The following SHANK2 variants were observed in gnomAD, a reference collection of about 807,000 sequenced individuals.
The protein encoded by SHANK2 is SH3 and multiple ankyrin repeat domains 2, also known as SH3 and multiple ankyrin repeat domains protein 2.
In SHANK2, 43 loss-of-function variants were observed where a neutral mutation model predicts 133.7. The ratio of observed to expected loss-of-function variants is 0.32; its 90% confidence interval spans 0.25 to 0.41. The LOEUF (loss-of-function observed/expected upper bound fraction) is 0.41, where lower values mean the gene tolerates loss of function less well. Among genes scored for constraint, SHANK2 ranks in the 10% least tolerant of loss-of-function variants. SHANK2 has a pLI of 1.00. For missense variants in SHANK2, 1,994 were observed against 2,235.8 expected (o/e 0.89, Z 2.18); for synonymous variants, 1,017 against 952.8 (o/e 1.07, Z -1.24).
intron 2 of SHANK2, among the ~76,000 whole-genome samples, chr11:71,156,748 A>G (rs535509116): frequency 1.1e-4 from 16 of 152,340 alleles, no homozygotes; most frequent in Non-Finnish European, 2.4e-4. Flanking sequence ...AGGGCTTTAT[A>G]TGGCAGTGTC....
chr11:70,617,037 ATGAG>A (rs1269098873), intron 17 of SHANK2, among the ~76,000 whole-genome samples: 1 of 151,538 alleles, frequency 6.6e-6, no homozygotes, highest in African/African-American at 2.4e-5. Flanking sequence ...GTGTGTGTCT[ATGAG>A]TGTGTGTGTA....
Position 70,486,733 on chromosome 11 carries a change from G to T in SHANK2, c.3560C>A (p.Ala1187Glu), listed in dbSNP as rs1259438131. Reference protein sequence around the residue: ...SKAQGPESSPAVPSASSGTAG... With the variant: ...SKAQGPESSPEVPSASSGTAG... ...TGTGCCGCTGCTCGCGGAGGGCACT[G>T]CTGGGCTGCTCTCGGGCCCCTGGGC... The change falls in exon 25 of 26, where the codon GCA becomes GAA. Residue 1187 changes from alanine (A) to glutamate (E), a missense_variant. By Grantham distance (107) the Ala-to-Glu change is moderately radical. Coordinates refer to ENST00000601538, the MANE Select transcript of SHANK2 (RefSeq NM_012309.5). This position sits in a 1 kb window ranked among gnomAD's most constrained non-coding sequence, Gnocchi z 8.0. 6.2e-7 allele frequency: 1 copy of T among 1,610,432 alleles called. No homozygotes were observed.
chr11:70,556,748 C>T (rs1371676872), intron 17 of SHANK2, among the ~76,000 whole-genome samples: 3 of 152,156 alleles, frequency 2.0e-5, no homozygotes, highest in African/African-American at 2.4e-5. Flanking sequence ...TGTGCTACCA[C>T]GTCCAGCTAA....
intron 17 of SHANK2, chr11:70,654,041 G>C (rs1024796468): frequency 1.3e-5 from 2 of 152,226 alleles, no homozygotes; most frequent in African/African-American, 4.8e-5. Flanking sequence ...CCTCTCTCGT[G>C]CAAGTATTTA....
chr11:70,771,735 GC>G (rs1555042829), intron 14 of SHANK2, among the ~76,000 whole-genome samples: 1 of 152,162 alleles, frequency 6.6e-6, no homozygotes, highest in African/African-American at 2.4e-5. Flanking sequence ...CTGCCGGCCA[GC>G]CTGCCCCACT....
chr11:70,496,540 T>C (rs891587971), intron 21 of SHANK2, among the ~76,000 whole-genome samples: 29 of 152,350 alleles, frequency 1.9e-4, no homozygotes, highest in African/African-American at 5.5e-4. Flanking sequence ...TGGTCAATAA[T>C]GACAGCCGTC....
chr11:70,901,144 C>T (rs1037288570), intron 10 of SHANK2, among the ~76,000 whole-genome samples: 21 of 152,266 alleles, frequency 1.4e-4, no homozygotes, highest in African/African-American at 3.9e-4. Flanking sequence ...CGATAAGGAA[C>T]GGGCTCCACA....
chr11:70,712,095 G>A (rs1555026265), intron 14 of SHANK2, among the ~76,000 whole-genome samples: 1 of 152,192 alleles, frequency 6.6e-6, no homozygotes, highest in East Asian at 1.9e-4. Flanking sequence ...CTCCTGGAGT[G>A]TGGGGGATCC....
intron 10 of SHANK2, among the ~76,000 whole-genome samples, chr11:70,925,650 G>A (rs146668080): frequency 3.3e-5 from 5 of 152,324 alleles, no homozygotes; most frequent in East Asian, 1.9e-4. Context: ...AAGAAAAGCC[G>A]GATTTGCACA....
At chr11:71,108,390 C>T (rs1341727117) in intron 6 of SHANK2, among the ~76,000 whole-genome samples, 1 of 152,186 alleles carries the variant, frequency 6.6e-6, no homozygotes, top group African/African-American at 2.4e-5. Context: ...CTCCTCTCCT[C>T]CTCCCACTGC....
intron 3 of SHANK2, among the ~76,000 whole-genome samples, chr11:71,130,435 G>A (rs1952279225): frequency 6.6e-6 from 1 of 152,236 alleles, no homozygotes. Context: ...AGACTAAATT[G>A]CTTTCCAAAT....
intron 17 of SHANK2, among the ~76,000 whole-genome samples, chr11:70,516,890 T>C (rs1240276314): frequency 6.6e-6 from 1 of 152,116 alleles, no homozygotes; most frequent in Non-Finnish European, 1.5e-5. Context: ...CTGGCCAACA[T>C]GGTGAAACCC....
chr11:70,952,903 G>T, intron 10 of SHANK2: 1 of 239,180 alleles, frequency 4.2e-6, no homozygotes, highest in South Asian at 4.2e-5. Context: ...GTCCAAAATG[G>T]CATCACTAAG....
intron 10 of SHANK2, among the ~76,000 whole-genome samples, chr11:70,928,587 T>C (rs1950460567): frequency 1.3e-5 from 2 of 152,058 alleles, no homozygotes; most frequent in Admixed American, 1.3e-4. Flanking sequence ...AAAAAGGCAT[T>C]TGTTTCAAAG....
chr11:71,209,434 T>C (rs1342973003), intron 2 of SHANK2, among the ~76,000 whole-genome samples: 1 of 152,154 alleles, frequency 6.6e-6, no homozygotes, highest in Non-Finnish European at 1.5e-5. Flanking sequence ...GCCAAGCAGG[T>C]GTGGAGGGGG....
intron 14 of SHANK2, among the ~76,000 whole-genome samples, chr11:70,711,152 G>C (rs1166909221): frequency 6.6e-6 from 1 of 152,194 alleles, no homozygotes; most frequent in African/African-American, 2.4e-5. Flanking sequence ...GCTCTGGGGC[G>C]GGGTGGGGTC....
intron 11 of SHANK2, among the ~76,000 whole-genome samples, chr11:70,868,379 T>C (rs1220022159): frequency 6.6e-6 from 1 of 152,204 alleles, no homozygotes; most frequent in Non-Finnish European, 1.5e-5. Flanking sequence ...GGTTTCTCCA[T>C]GTGTAAAATG....
In SHANK2 at chr11:71,147,185, T is replaced by C. The variant is rs1555106873; in HGVS notation, c.142A>G (p.Arg48Gly). The change falls in exon 3 of 26, where the codon AGG becomes GGG. Residue 48 changes from arginine (R) to glycine (G), a missense_variant. By Grantham distance (125) the Arg-to-Gly change is moderately radical. Around this residue, in one of 5 missense-constraint regions of SHANK2, gnomAD observed 653 missense variants for 563.4 expected, o/e 1.16. Coordinates refer to ENST00000601538, the MANE Select transcript of SHANK2 (RefSeq NM_012309.5). ...RATAEKPGGARTEESQGNTLV... is the reference protein window; with the variant it reads ...RATAEKPGGAGTEESQGNTLV... ...GTGTTGCCCTGGCTCTCCTCCGTCC[T>C]GGCACCGCCCGGCTTCTCCGCAGTG... 2.7e-5 allele frequency: 42 copies of C among 1,550,776 alleles called. No homozygotes were observed. Among genetic ancestry groups the C allele is most frequent in the Admixed American group, 7.8e-5 (4 of 51,000 alleles).
intron 14 of SHANK2, among the ~76,000 whole-genome samples, chr11:70,798,148 C>A (rs1436229204): frequency 2.0e-5 from 3 of 152,170 alleles, no homozygotes; most frequent in Non-Finnish European, 2.9e-5. Context: ...ATCTAATCAA[C>A]CCCCAAAAGT....
Sources: allele counts gnomAD v4.1 joint callset (sites outside exome capture counted in the v4.1 genomes callset), GRCh38; gene constraint gnomAD v4.1.1; regional missense constraint gnomAD v4.1.1; non-coding constraint Gnocchi (gnomAD v3.1); transcripts MANE v1.5; gene names NCBI Gene and HGNC (gene_info 2026-07-23, HGNC 2026-07-21).